The following USP12 variants were observed in gnomAD, a reference collection of about 807,000 sequenced individuals.
The protein encoded by USP12 is ubiquitin specific peptidase 12.
USP12 carries 19 observed loss-of-function variants against 45.5 expected under a neutral mutation model. The ratio of observed to expected loss-of-function variants is 0.42; its 90% CI spans 0.29 to 0.61. USP12 has a LOEUF of 0.61. Ranked by LOEUF, USP12 falls within the 20% of genes least tolerant of loss-of-function variation. The pLI is 0.22. For missense variants in USP12, 242 were observed against 447.7 expected, an observed-to-expected ratio of 0.54 and a Z score of 4.15; for synonymous variants, 149 against 148.8, an observed-to-expected ratio of 1.00 and a Z score of -0.01.
chr13:27,144,933 G>A lies in USP12; in HGVS notation c.48+26659C>T, dbSNP rs528797203. On this transcript the variant is annotated intron_variant, in intron 1 of 8. Coordinates refer to ENST00000282344, the MANE Select transcript of USP12 (RefSeq NM_182488.4). ...AAAAAAAAAATCAGCCAGGCATGGCGGCATATGCCTGTAATCCCAGCTACT... is the reference window on the plus strand; with the variant it reads ...AAAAAAAAAATCAGCCAGGCATGGCAGCATATGCCTGTAATCCCAGCTACT... Among the ~76,000 whole-genome samples, 6 of 151,996 alleles carry A rather than the reference G, an allele frequency of 3.9e-5. 1 individual carries two copies. The highest frequency in any genetic ancestry group is 7.2e-5 in the African/African-American group (3 of 41,492).
intron 1 of USP12, among the ~76,000 whole-genome samples, chr13:27,149,575 A>T (rs936927192): frequency 2.6e-5 from 4 of 152,236 alleles, no homozygotes; most frequent in African/African-American, 9.6e-5. Flanking sequence ...TATTGATCTC[A>T]TAAAACTATG....
intron 2 of USP12, among the ~76,000 whole-genome samples, chr13:27,108,711 CT>C (rs1875274872): frequency 6.6e-6 from 1 of 152,154 alleles, no homozygotes; most frequent in Non-Finnish European, 1.5e-5. Context: ...AATCCCAGCA[CT>C]TTGGGAGGCC....
chr13:27,100,115 C>T (rs984319969), intron 3 of USP12, among the ~76,000 whole-genome samples: 2 of 152,196 alleles, frequency 1.3e-5, no homozygotes, highest in African/African-American at 4.8e-5. Flanking sequence ...CGGGCCAAGT[C>T]ATGCATAGAA....
rs1175506760 is a variant in USP12 at position 27,171,782 on chromosome 13, TGCCGTCGTC to T, written c.-152_-144del. 3 of 308,946 alleles carry T rather than the reference TGCCGTCGTC, an allele frequency of 9.7e-6. No homozygotes were observed. Among genetic ancestry groups the T allele is most frequent in the African/African-American group, 2.3e-5 (1 of 42,582 alleles). 19.1% of individuals were successfully genotyped at this position (308,946 alleles called of 1,614,324 possible). A position where few individuals can be genotyped will look rare whatever the true frequency, so the allele number is the denominator to read the frequency against. On this transcript the variant is annotated 5_prime_UTR_variant, in exon 1 of 9. Transcript: ENST00000282344. The stretch of plus-strand genomic sequence containing the variant: ...ACCACCGAGCCCGCTGGGCCGCCGC[TGCCGTCGTC>T]GCCGCCGGCGCTCAGGCACTCCCGG...
chr13:27,142,310 G>A lies in USP12; in HGVS notation c.49-25714C>T, dbSNP rs114857077. Among the ~76,000 whole-genome samples the A allele has an allele frequency of 7.9e-3, 1,203 of 152,170 alleles. 18 individuals are homozygous for A. Among genetic ancestry groups the A allele is most frequent in the African/African-American group, 0.027 (1,129 of 41,494 alleles). On this transcript the variant is annotated intron_variant, in intron 1 of 8. Coordinates refer to ENST00000282344, the MANE Select transcript of USP12 (RefSeq NM_182488.4). ...TGTACTTCTCAAAAATGTCCAAGTC[G>A]ATAAAGACGAAAAAAGGCGGAAGAA...
chr13:27,102,306 G>T (rs1157284646), intron 3 of USP12, among the ~76,000 whole-genome samples: 2 of 152,172 alleles, frequency 1.3e-5, no homozygotes, highest in African/African-American at 4.8e-5. Context: ...TACCTGTAAA[G>T]AGAGGACTCC....
At position 27,105,739 on chromosome 13, in the gene USP12, T is replaced by C; in HGVS notation, c.335A>G (p.Lys112Arg). 6.2e-7 allele frequency: 1 copy of C among 1,613,124 alleles called. No homozygotes were observed. The highest frequency in any genetic ancestry group is 8.5e-7 in the Non-Finnish European group (1 of 1,179,436). The stretch of plus-strand genomic sequence containing the variant: ...GTGGGAAGTAGAATTACCATTTTCT[T>C]TCCGTAATCTTGTGATGAACTTCTT... ...PPKKFITRLR[K>R]ENELFDNYMQ... is the part of the protein sequence containing the mutation. Residue 112 changes from lysine to arginine, a missense_variant, in exon 3 of 9, where the codon AAA becomes AGA. Lys to Arg is a conservative substitution (Grantham distance 26, BLOSUM62 2). This residue lies in a region of USP12 where 77 missense variants were observed against 153.7 expected (regional missense o/e 0.50). Transcript: ENST00000282344.
At chr13:27,133,797 T>A (rs1177478189) in intron 1 of USP12, among the ~76,000 whole-genome samples, 6 of 152,020 alleles carry the variant, frequency 3.9e-5, no homozygotes, top group Non-Finnish European at 5.9e-5. Flanking sequence ...TAAAAAAAAA[T>A]TATATTCAGA....
intron 1 of USP12, among the ~76,000 whole-genome samples, chr13:27,162,628 G>A (rs1281867480): frequency 6.6e-6 from 1 of 152,138 alleles, no homozygotes; most frequent in Non-Finnish European, 1.5e-5. Context: ...AATTTTCTTA[G>A]TTGTGACAAT....
intron 1 of USP12, among the ~76,000 whole-genome samples, chr13:27,137,884 G>C (rs1229106224): frequency 6.6e-6 from 1 of 152,258 alleles, no homozygotes; most frequent in East Asian, 1.9e-4. Context: ...GCCGCGCTGA[G>C]AGGACTTATG....
chr13:27,125,314 A>G (rs147277032), intron 1 of USP12, among the ~76,000 whole-genome samples: 1 of 152,228 alleles, frequency 6.6e-6, no homozygotes, highest in Non-Finnish European at 1.5e-5. Flanking sequence ...GCTTTTCATG[A>G]TTACATATAA....
chr13:27,075,840 G>A (rs1037828772), intron 6 of USP12, among the ~76,000 whole-genome samples: 7 of 152,058 alleles, frequency 4.6e-5, no homozygotes, highest in Admixed American at 1.3e-4. Flanking sequence ...GACCAGCCTG[G>A]CTAACATGGT....
At chr13:27,071,889 G>A (rs1051804343) in intron 7 of USP12, among the ~76,000 whole-genome samples, 6 of 152,040 alleles carry the variant, frequency 3.9e-5, no homozygotes, top group African/African-American at 1.4e-4. Context: ...CATTATAAAG[G>A]CTCATATAAT....
chr13:27,126,948 C>T (rs562073489), intron 1 of USP12, among the ~76,000 whole-genome samples: 1 of 152,202 alleles, frequency 6.6e-6, no homozygotes. Context: ...ATCCCAACTA[C>T]AATGCCATCT....
chr13:27,116,443 C>A, intron 2 of USP12, 73 bp downstream of exon 2: 1 of 1,327,714 alleles, frequency 7.5e-7, no homozygotes, highest in Non-Finnish European at 1.0e-6. Context: ...CCTTTAATAA[C>A]TTATGGAATG....
rs397826216 is a variant in USP12, at chr13:27,093,319, A to AC, written c.573+2281dup. ...GCCAAAATTATACCCGAAAAAAAAAACCCACTTAAAATTCGACAATACTCA... is the reference window on the plus strand; with the variant it reads ...GCCAAAATTATACCCGAAAAAAAAAACCCCACTTAAAATTCGACAATACTCA... On this transcript the variant is annotated intron_variant, in intron 4 of 8. Coordinates refer to ENST00000282344, the MANE Select transcript of USP12 (RefSeq NM_182488.4). Among the ~76,000 whole-genome samples, 8 of 151,388 alleles carry AC rather than the reference A, an allele frequency of 5.3e-5. No individual in the cohort carries two copies. In the East Asian group the frequency reaches 5.8e-4, roughly 11 times the overall value.
At chr13:27,163,366 A>G (rs774092479) in intron 1 of USP12, among the ~76,000 whole-genome samples, 12 of 152,120 alleles carry the variant, frequency 7.9e-5, no homozygotes, top group Non-Finnish European at 1.2e-4. Context: ...CACATTATCT[A>G]TTTACATCTG....
In USP12 at chr13:27,078,569, G is replaced by A. The variant is rs185454237; in HGVS notation, c.735-3181C>T. Among the ~76,000 whole-genome samples the A allele has an allele frequency of 1.6e-4, 25 of 151,642 alleles. No individual in the cohort carries two copies. In the East Asian group the frequency reaches 4.4e-3, roughly 27 times the overall value. On this transcript the variant is annotated intron_variant, in intron 6 of 8. Transcript: ENST00000282344. ...CTATTCAAAAAAGAAAGAAGGATGG[G>A]AAAAGACATACCATGTAAACACTAA...
intron 1 of USP12, among the ~76,000 whole-genome samples, chr13:27,161,765 C>T (rs867093158): frequency 2.0e-5 from 3 of 151,706 alleles, no homozygotes; most frequent in African/African-American, 4.8e-5. Flanking sequence ...GCCTGTAGTC[C>T]CAGATACTTG....
Sources: gnomAD v4.1 joint callset for allele counts (sites outside exome capture counted in the v4.1 genomes callset) on GRCh38, gnomAD v4.1.1 for gene constraint, gnomAD v4.1.1 regional missense constraint, MANE v1.5 for transcripts, NCBI Gene and HGNC (gene_info 2026-07-23, HGNC 2026-07-21) for gene names.